SGCD: variants seen among roughly 807,000 people sequenced by gnomAD.
SGCD encodes the protein sarcoglycan delta.
A neutral mutation model predicts 36.6 loss-of-function variants in SGCD; 18 were observed. The ratio of observed to expected loss-of-function variants is 0.49; its 90% CI spans 0.34 to 0.73. The LOEUF (loss-of-function observed/expected upper bound fraction) is 0.73. Among genes scored for constraint, SGCD ranks in the 30% least tolerant of loss-of-function variants. The pLI is 0.01. For synonymous variants in SGCD, 133 were observed against 130.6 expected (o/e 1.02, Z -0.12); for missense variants, 387 against 346.7 (o/e 1.12, Z -0.92).
At chr5:156,339,725 A>G (rs1484536467) in intron 2 of SGCD, among the ~76,000 whole-genome samples, 1 of 152,226 alleles carries the variant, frequency 6.6e-6, no homozygotes, top group East Asian at 1.9e-4. Flanking sequence ...CCTTACTGCT[A>G]AAAACAATTG....
rs74972361 is a variant in SGCD, at chr5:156,006,145, G to C, written c.-281-111733G>C. ...CATTCAATCATTGTGAGCTGCTGTT[G>C]TTATTATTATCATTATATGATACTG... On this transcript the variant is annotated intron_variant, in intron 1 of 9. Transcript: ENST00000517913. Among the ~76,000 whole-genome samples the C allele has an allele frequency of 3.6e-3, 546 of 152,256 alleles. 6 individuals are homozygous for C. Among genetic ancestry groups the C allele is most frequent in the African/African-American group, 0.012 (497 of 41,542 alleles).
At chr5:156,058,604 A>C (rs1281540357) in intron 1 of SGCD, among the ~76,000 whole-genome samples, 1 of 146,078 alleles carries the variant, frequency 6.8e-6, no homozygotes, top group Non-Finnish European at 1.5e-5. Context: ...TTTTATCCTG[A>C]TTCAAACAAG....
chr5:156,750,690 C>G (rs2113141666), intron 7 of SGCD, among the ~76,000 whole-genome samples: 1 of 149,722 alleles, frequency 6.7e-6, no homozygotes, highest in African/African-American at 2.4e-5. Flanking sequence ...CACAAATTAA[C>G]ATAATTTATA....
chr5:155,866,924 C>T (rs147960460), upstream of SGCD, among the ~76,000 whole-genome samples: 197 of 152,122 alleles, frequency 1.3e-3, 3 homozygotes, highest in East Asian at 0.033. Flanking sequence ...TTCAAAAGGA[C>T]ATAAGGATCT....
intron 4 of SGCD, among the ~76,000 whole-genome samples, chr5:156,521,911 C>T (rs1356896428): frequency 6.6e-6 from 1 of 152,148 alleles, no homozygotes; most frequent in Non-Finnish European, 1.5e-5. Flanking sequence ...TTCACTGCAG[C>T]ACTATTTACA....
chr5:156,422,679 G>C (rs980496341), intron 3 of SGCD, among the ~76,000 whole-genome samples: 1 of 151,870 alleles, frequency 6.6e-6, no homozygotes, highest in South Asian at 2.1e-4. Flanking sequence ...TGACATTTTG[G>C]GCTAGGTAAC....
chr5:155,751,302 C>T, the SGCD span, among the ~76,000 whole-genome samples: 160 of 152,226 alleles, frequency 1.1e-3, no homozygotes, highest in Non-Finnish European at 1.3e-3. Context: ...TGTTTTTATA[C>T]CTCTTGATCT....
chr5:155,918,844 C>CAA (rs1336605682), intron 1 of SGCD, among the ~76,000 whole-genome samples: 2 of 152,136 alleles, frequency 1.3e-5, no homozygotes, highest in Non-Finnish European at 2.9e-5. Flanking sequence ...TTTTATCTTC[C>CAA]CCCTTCTCCT....
chr5:156,656,392 C>T (rs541216489), intron 7 of SGCD, among the ~76,000 whole-genome samples: 1 of 151,932 alleles, frequency 6.6e-6, no homozygotes, highest in Admixed American at 6.6e-5. Context: ...TACTTAGAAG[C>T]GTTTAGGTAA....
chr5:156,409,331 C>T (rs1272168346), intron 3 of SGCD, among the ~76,000 whole-genome samples: 1 of 152,060 alleles, frequency 6.6e-6, no homozygotes, highest in African/African-American at 2.4e-5. Context: ...GGTCAAACTT[C>T]TCTGTTTTAA....
chr5:156,406,790 T>TTTTATATATATATATATA (rs1772432961), intron 3 of SGCD, among the ~76,000 whole-genome samples: 2 of 75,664 alleles, frequency 2.6e-5, no homozygotes, highest in African/African-American at 1.0e-4. Flanking sequence ...ATAGGAGATT[T>TTTTATATATATATATATA]TATATATATA....
intron 3 of SGCD, among the ~76,000 whole-genome samples, chr5:156,267,726 C>G (rs1365635323): frequency 6.6e-6 from 1 of 152,176 alleles, no homozygotes; most frequent in East Asian, 1.9e-4. Flanking sequence ...GTAGATATAA[C>G]CATCACCAAG....
At chr5:155,901,841 T>C (rs1015511128) in intron 1 of SGCD, among the ~76,000 whole-genome samples, 2 of 152,180 alleles carry the variant, frequency 1.3e-5, no homozygotes, top group African/African-American at 4.8e-5. Context: ...ACCTTATTAC[T>C]TACCTGTAGC....
In SGCD at chr5:156,595,044, A is replaced by T; in HGVS notation, c.495A>T (p.Arg165=). Residue 165 remains arginine, a synonymous_variant, in exon 6 of 9, where the codon CGA becomes CGT. Coordinates refer to ENST00000337851, the MANE Select transcript of SGCD (RefSeq NM_000337.6). ...TGGTAGTAGGAGCTGAAAGATTACG[A>T]GTTTTAGGTAAGGAAACTTGAATCA... ...NEVVVGAERL[R]VLGAEGTVFP... The T allele has an allele frequency of 1.9e-6, 3 of 1,611,026 alleles. No homozygotes were observed. Among genetic ancestry groups the T allele is most frequent in the Non-Finnish European group, 2.5e-6 (3 of 1,178,360 alleles).
At chr5:156,320,106 T>TGTGTG (rs1303256528) in intron 3 of SGCD, among the ~76,000 whole-genome samples, 21 of 151,390 alleles carry the variant, frequency 1.4e-4, no homozygotes, top group African/African-American at 4.4e-4. Flanking sequence ...TATGTGTGTG[T>TGTGTG]GTGTGTGTGT....
chr5:156,261,298 A>T (rs1252285214), intron 3 of SGCD, among the ~76,000 whole-genome samples: 1 of 152,178 alleles, frequency 6.6e-6, no homozygotes, highest in African/African-American at 2.4e-5. Context: ...TTAAGAACGT[A>T]CTTATTTTGG....
intron 1 of SGCD, among the ~76,000 whole-genome samples, chr5:156,020,621 A>C (rs1176771800): frequency 6.6e-6 from 1 of 152,148 alleles, no homozygotes; most frequent in African/African-American, 2.4e-5. Flanking sequence ...CAATGAGGAT[A>C]TTTTCAATCT....
chr5:156,140,662 G>GA (rs1387898926), intron 3 of SGCD, among the ~76,000 whole-genome samples: 2 of 151,926 alleles, frequency 1.3e-5, no homozygotes, highest in African/African-American at 4.8e-5. Context: ...TATGAGAATA[G>GA]AAAAAATGAG....
intron 3 of SGCD, among the ~76,000 whole-genome samples, chr5:156,407,909 G>A (rs7731517): frequency 7.2e-5 from 11 of 152,042 alleles, no homozygotes; most frequent in Admixed American, 2.0e-4. Context: ...TTACAAACTT[G>A]CCACCTTATG....
Sources: allele counts gnomAD v4.1 joint callset (sites outside exome capture counted in the v4.1 genomes callset), GRCh38; gene constraint gnomAD v4.1.1; transcripts MANE v1.5; gene names NCBI Gene and HGNC (gene_info 2026-07-23, HGNC 2026-07-21).